CACNA1C: variants seen among roughly 807,000 people sequenced by gnomAD.
CACNA1C encodes voltage-dependent L-type calcium channel subunit alpha-1C.
In CACNA1C, 30 loss-of-function variants were observed where a neutral mutation model predicts 229.0. The observed-to-expected ratio is 0.13, with a 90% CI of 0.10 to 0.18. The LOEUF (loss-of-function observed/expected upper bound fraction) is 0.18, where lower values mean the gene tolerates loss of function less well. Among genes scored for constraint, CACNA1C ranks in the 10% least tolerant of loss-of-function variants. The probability of loss-of-function intolerance (pLI) is 1.00; values close to 1 mark genes in which losing one functional copy is unlikely to be tolerated. For missense variants in CACNA1C, 1,658 were observed against 2,845.0 expected (o/e 0.58, Z 9.49); for synonymous variants, 1,114 against 1,132.5 (o/e 0.98, Z 0.33).
At chr12:2,652,944 G>C (rs370772695) in intron 32 of CACNA1C, among the ~76,000 whole-genome samples, 1 of 152,240 alleles carries the variant, frequency 6.6e-6, no homozygotes, top group Non-Finnish European at 1.5e-5. Context: ...GGGTGACTGC[G>C]AGGGCCTGAT....
At chr12:2,159,958 C>T (rs565519725) in intron 3 of CACNA1C, among the ~76,000 whole-genome samples, 1 of 152,306 alleles carries the variant, frequency 6.6e-6, no homozygotes, top group East Asian at 1.9e-4. Context: ...TTCATTTATT[C>T]CACAGATTTT....
chr12:2,192,063 G>A lies in CACNA1C; in HGVS notation c.477+71633G>A, dbSNP rs551589286. Among the ~76,000 whole-genome samples the A allele has an allele frequency of 2.8e-4, 42 of 151,368 alleles. No individual in the cohort carries two copies. The East Asian group carries it at 3.3e-3, about 12-fold the overall frequency. On this transcript the variant is annotated intron_variant, in intron 3 of 46. Coordinates refer to ENST00000399655, the MANE Select transcript of CACNA1C (RefSeq NM_000719.7). ...ATACAGGCACACACATACACACTCA[G>A]GCACAGACACACACACACACATGCA... is the stretch of plus-strand genomic sequence containing the variant.
chr12:2,317,576 G>A (rs1361788384), intron 3 of CACNA1C, among the ~76,000 whole-genome samples: 1 of 152,154 alleles, frequency 6.6e-6, no homozygotes, highest in Non-Finnish European at 1.5e-5. Context: ...CAGTTGCAGA[G>A]CAATTTGAGT....
At chr12:1,989,717 T>G (rs758147314) in intron 1 of CACNA1C, among the ~76,000 whole-genome samples, 15 of 152,148 alleles carry the variant, frequency 9.9e-5, no homozygotes, top group Non-Finnish European at 1.9e-4. Flanking sequence ...CCGTCTCAAT[T>G]GAAAAAGCAA....
chr12:2,380,931 T>C (rs1040947286), intron 3 of CACNA1C, among the ~76,000 whole-genome samples: 3 of 152,154 alleles, frequency 2.0e-5, no homozygotes, highest in African/African-American at 7.2e-5. Flanking sequence ...GCAACCTCCT[T>C]CCCAGCTGGC....
chr12:2,099,225 T>A (rs1388224024), intron 1 of CACNA1C, among the ~76,000 whole-genome samples: 1 of 152,156 alleles, frequency 6.6e-6, no homozygotes, highest in African/African-American at 2.4e-5. Flanking sequence ...AAGGAAAGGA[T>A]CTTGCCCATG....
Position 2,697,597 on chromosome 12 carries a change from A to G in CACNA1C, c.*6398A>G, listed in dbSNP as rs1569337699. 6.6e-6 allele frequency: 1 copy of G among 152,218 alleles called. No individual in the cohort carries two copies. The highest frequency in any genetic ancestry group is 1.5e-5 in the Non-Finnish European group (1 of 68,062). The allele number at this position is 152,218 out of a possible 1,614,324, so 9.4% of individuals were successfully genotyped here. A position where few individuals can be genotyped will look rare whatever the true frequency, so the allele number is the denominator to read the frequency against. ...TGCCTGTTATCAGAGAGGCACAGAA[A>G]GATGGGCAGTGCCTCCGTTGTCACC... On this transcript the variant is annotated 3_prime_UTR_variant, in exon 47 of 47. Coordinates refer to ENST00000399655, the MANE Select transcript of CACNA1C (RefSeq NM_000719.7).
chr12:2,505,474 C>T (rs982523419), intron 8 of CACNA1C, among the ~76,000 whole-genome samples: 2 of 152,078 alleles, frequency 1.3e-5, no homozygotes, highest in African/African-American at 4.8e-5. Flanking sequence ...TCACATCTAC[C>T]TAATTTCAGC....
At chr12:2,660,379 C>T (rs772987233) in intron 34 of CACNA1C, 1 of 152,268 alleles carries the variant, frequency 6.6e-6, no homozygotes, top group Admixed American at 6.5e-5. Flanking sequence ...TTTTCATTCT[C>T]CATAAAGATG....
intron 42 of CACNA1C, chr12:2,680,443 A>T (rs376176260): frequency 6.4e-7 from 1 of 1,561,546 alleles, no homozygotes; most frequent in South Asian, 1.2e-5. Context: ...TGTCTGCATC[A>T]GCAGCTCCAG....
chr12:2,093,078 C>G (rs2072022622), intron 1 of CACNA1C, among the ~76,000 whole-genome samples: 1 of 152,254 alleles, frequency 6.6e-6, no homozygotes, highest in Non-Finnish European at 1.5e-5. Flanking sequence ...GCCAGGCTGC[C>G]TGGAGCTAAC....
intron 3 of CACNA1C, among the ~76,000 whole-genome samples, chr12:2,338,593 A>T (rs1039855017): frequency 1.3e-5 from 2 of 149,686 alleles, no homozygotes; most frequent in Non-Finnish European, 1.5e-5. Context: ...GGCAGATGCC[A>T]TTCTTTTGCT....
At chr12:2,496,869 C>G (rs2099747865) in intron 7 of CACNA1C, among the ~76,000 whole-genome samples, 1 of 152,152 alleles carries the variant, frequency 6.6e-6, no homozygotes. Context: ...TAGGAAATTA[C>G]TTCTTAAGCC....
Position 2,313,838 on chromosome 12 carries a change from A to G in CACNA1C, c.478-135138A>G, listed in dbSNP as rs562085218. Among the ~76,000 whole-genome samples the G allele has an allele frequency of 2.0e-5, 3 of 152,268 alleles. No homozygotes were observed. In the East Asian group the frequency reaches 5.8e-4, roughly 29 times the overall value. On this transcript the variant is annotated intron_variant, in intron 3 of 46. Transcript: ENST00000399655. ...CTTTTATCGCTTTTTATCTATTGAC[A>G]CTTTTTCAATTAAGGAGTCTCCCCT... is the stretch of plus-strand genomic sequence containing the variant.
At chr12:2,193,384 G>A (rs2097300918) in intron 3 of CACNA1C, among the ~76,000 whole-genome samples, 1 of 152,232 alleles carries the variant, frequency 6.6e-6, no homozygotes, top group South Asian at 2.1e-4. Flanking sequence ...GAGCCCAGGA[G>A]GCAGAGGTGG....
Position 2,194,684 on chromosome 12 carries a change from C to G in CACNA1C, c.477+74254C>G, listed in dbSNP as rs116556102. ...GGAGAAGTTTTGGGCCTTATCTGAG[C>G]TGCTTTCCTTGTTATCACTTATGTT... On this transcript the variant is annotated intron_variant, in intron 3 of 46. Coordinates refer to ENST00000399655, the MANE Select transcript of CACNA1C (RefSeq NM_000719.7). 8.8e-3 allele frequency among the ~76,000 whole-genome samples: 1,338 copies of G among 152,248 alleles called. 15 individuals are homozygous for G. Among genetic ancestry groups the G allele is most frequent in the Non-Finnish European group, 0.014 (955 of 68,024 alleles).
chr12:2,091,490 T>C (rs958383343), intron 1 of CACNA1C, among the ~76,000 whole-genome samples: 30 of 152,362 alleles, frequency 2.0e-4, no homozygotes, highest in African/African-American at 6.5e-4. Context: ...CTCTAGAGAA[T>C]GCCCACATTC....
Position 2,410,547 on chromosome 12 carries a change from A to G in CACNA1C, c.478-38429A>G, listed in dbSNP as rs542413488. 5.9e-5 allele frequency among the ~76,000 whole-genome samples: 9 copies of G among 152,342 alleles called. No individual in the cohort carries two copies. The highest frequency in any genetic ancestry group is 1.7e-4 in the African/African-American group (7 of 41,580). ...ATGAGGAAAAAATATGCTTGGAGTA[A>G]AAAGCATCTGGACCCTGTGCATGTG... is the stretch of plus-strand genomic sequence containing the variant. On this transcript the variant is annotated intron_variant, in intron 3 of 46. Coordinates refer to ENST00000399655, the MANE Select transcript of CACNA1C (RefSeq NM_000719.7). The surrounding 1 kb of genome is among the most constrained non-coding windows in gnomAD (Gnocchi z 5.3).
chr12:2,156,894 G>T (rs1404603712), intron 3 of CACNA1C, among the ~76,000 whole-genome samples: 1 of 152,210 alleles, frequency 6.6e-6, no homozygotes, highest in African/African-American at 2.4e-5. Context: ...CTGCCTTCAT[G>T]CAGCCCAGTG....
Sources: gnomAD v4.1 joint callset for allele counts (sites outside exome capture counted in the v4.1 genomes callset) on GRCh38, gnomAD v4.1.1 for gene constraint, Gnocchi (gnomAD v3.1) non-coding constraint, MANE v1.5 for transcripts, NCBI Gene and HGNC (gene_info 2026-07-23, HGNC 2026-07-21) for gene names.